ZNF565: variants seen among roughly 807,000 people sequenced by gnomAD.
The protein encoded by ZNF565 is zinc finger protein 565.
Under a neutral mutation model 39.4 loss-of-function variants are expected in ZNF565, and 27 were observed. That is an observed-to-expected ratio of 0.69 (90% CI 0.51 to 0.95). The LOEUF is 0.95. Ranked by LOEUF, ZNF565 falls within the 40% of genes least tolerant of loss-of-function variation. The pLI is 0.00. For synonymous variants in ZNF565, 185 were observed against 216.6 expected, an observed-to-expected ratio of 0.85 and a Z score of 1.28; for missense variants, 524 against 621.1, an observed-to-expected ratio of 0.84 and a Z score of 1.66.
intron 1 of ZNF565, among the ~76,000 whole-genome samples, chr19:36,225,829 C>T (rs1230962911): frequency 2.1e-5 from 3 of 143,900 alleles, no homozygotes; most frequent in Non-Finnish European, 4.5e-5. Context: ...GGCATGATCA[C>T]GGCTCACTGC....
chr19:36,211,707 C>T (rs1262042396), intron 1 of ZNF565, among the ~76,000 whole-genome samples: 2 of 151,792 alleles, frequency 1.3e-5, no homozygotes, highest in Non-Finnish European at 2.9e-5. Flanking sequence ...GCAGGAGAAT[C>T]GCATGAACCA....
chr19:36,196,543 C>T (rs1301584630), intron 2 of ZNF565, among the ~76,000 whole-genome samples: 1 of 152,194 alleles, frequency 6.6e-6, no homozygotes, highest in Non-Finnish European at 1.5e-5. Flanking sequence ...AAACTATCTG[C>T]AGACAGCAGG....
At chr19:36,211,027 T>G (rs1976335305) in intron 1 of ZNF565, among the ~76,000 whole-genome samples, 2 of 151,464 alleles carry the variant, frequency 1.3e-5, no homozygotes, top group East Asian at 3.9e-4. Flanking sequence ...TAGCAATGAA[T>G]ATATAACCTA....
chr19:36,197,280 C>A (rs548408647), intron 2 of ZNF565, among the ~76,000 whole-genome samples: 1,675 of 149,422 alleles, frequency 0.011, 34 homozygotes, highest in African/African-American at 0.038. Context: ...TCAAAAAAAA[C>A]AAACAAACAA....
rs957829241 is a variant in ZNF565, at chr19:36,186,279, G to A, written c.233-2546C>T. 5.3e-5 allele frequency among the ~76,000 whole-genome samples: 8 copies of A among 152,270 alleles called. No homozygotes were observed. In the South Asian group the frequency reaches 1.0e-3, roughly 20 times the overall value. ...TTCTAAAAGTATTGGGATTACAGGC[G>A]TCAGCCACCATGCCCGGCAAAAACT... On this transcript the variant is annotated intron_variant, in intron 4 of 4. Coordinates refer to ENST00000304116, the MANE Select transcript of ZNF565 (RefSeq NM_152477.5).
upstream of ZNF565, among the ~76,000 whole-genome samples, chr19:36,218,886 G>GC (rs1359546996): frequency 6.6e-6 from 1 of 151,592 alleles, no homozygotes; most frequent in Non-Finnish European, 1.5e-5. Context: ...TTGGCTCACT[G>GC]CAAGCTTCAC....
chr19:36,212,951 G>A (rs1475052210), intron 1 of ZNF565: 2 of 152,156 alleles, frequency 1.3e-5, no homozygotes, highest in Non-Finnish European at 2.9e-5. Flanking sequence ...ACCTTTCTTG[G>A]AGAAGGGTTA....
At chr19:36,212,616 C>T (rs1461105739) in intron 1 of ZNF565, among the ~76,000 whole-genome samples, 2 of 149,072 alleles carry the variant, frequency 1.3e-5, no homozygotes, top group Non-Finnish European at 3.0e-5. Flanking sequence ...AGCAGGACTC[C>T]GTCTCAAAAA....
chr19:36,189,012 A>C (rs1288122609), intron 4 of ZNF565, among the ~76,000 whole-genome samples: 1 of 152,186 alleles, frequency 6.6e-6, no homozygotes, highest in African/African-American at 2.4e-5. Context: ...AGAGGTGACC[A>C]GGGACTGGAG....
At chr19:36,237,351 CT>C in intron 1 of ZNF565, 1 of 1,553,938 alleles carries the variant, frequency 6.4e-7, no homozygotes, top group East Asian at 2.3e-5. Flanking sequence ...AGTGGGAAAG[CT>C]TTCATTAGAA....
In ZNF565 at chr19:36,245,774, G is replaced by C. The variant is rs1226493528; in HGVS notation, c.-244C>G. On this transcript the variant is annotated 5_prime_UTR_variant, in exon 1 of 5. Transcript: ENST00000355114. The surrounding 1 kb of genome is among the most constrained non-coding windows in gnomAD (Gnocchi z 4.4). ...GGGGTCCCGGGCTGCTTTTCTTGGA[G>C]GGCTCGGTGCCGGAGGCTACTCTTG... is the stretch of plus-strand genomic sequence containing the variant. 1 of 519,614 alleles carries C rather than the reference G, an allele frequency of 1.9e-6. No homozygotes were observed. Among genetic ancestry groups the C allele is most frequent in the African/African-American group, 2.0e-5 (1 of 51,076 alleles). 32.2% of individuals were successfully genotyped at this position (519,614 alleles called of 1,614,324 possible). A position where few individuals can be genotyped will look rare whatever the true frequency, so the allele number is the denominator to read the frequency against.
At chr19:36,223,687 C>CTGAA (rs371526880) in intron 1 of ZNF565, among the ~76,000 whole-genome samples, 152,166 of 152,170 alleles carry the variant, frequency 1, 76,081 homozygotes, top group Non-Finnish European at 1. Flanking sequence ...TTATGGTTAT[C>CTGAA]AGACTTTTCC....
At chr19:36,193,542 G>A (rs1031189118) in intron 4 of ZNF565, among the ~76,000 whole-genome samples, 4 of 148,000 alleles carry the variant, frequency 2.7e-5, no homozygotes, top group African/African-American at 7.5e-5. Flanking sequence ...CCGGGTTCAC[G>A]CCATACTCCT....
rs778863310 is a variant in ZNF565, at chr19:36,183,103, A to G, written c.863T>C (p.Phe288Ser). ...PYVCKDCGKA[F>S]IRGSQLTVHR... ...CACAGTGAGTTGGGAGCCACGAATG[A>G]AAGCCTTGCCACAGTCTTTACATAC... The change falls in exon 5 of 5, where the codon TTC becomes TCC. Residue 288 changes from phenylalanine to serine, a missense_variant. Coordinates refer to ENST00000304116, the MANE Select transcript of ZNF565 (RefSeq NM_152477.5). 5.0e-6 allele frequency: 8 copies of G among 1,614,192 alleles called. No individual in the cohort carries two copies. The highest frequency in any genetic ancestry group is 6.8e-6 in the Non-Finnish European group (8 of 1,180,040).
intron 1 of ZNF565, among the ~76,000 whole-genome samples, chr19:36,244,590 C>A (rs765653535): frequency 2.6e-5 from 4 of 151,820 alleles, no homozygotes; most frequent in Non-Finnish European, 5.9e-5. Flanking sequence ...CGCTGGCTCA[C>A]GCCTGTAATT....
chr19:36,244,821 A>G (rs1038540415), intron 1 of ZNF565, among the ~76,000 whole-genome samples: 1 of 147,924 alleles, frequency 6.8e-6, no homozygotes. Flanking sequence ...ACTGCCCTCC[A>G]GCCTGGCGAC....
chr19:36,196,826 G>A (rs1438467645), intron 2 of ZNF565, among the ~76,000 whole-genome samples: 1 of 152,092 alleles, frequency 6.6e-6, no homozygotes, highest in Non-Finnish European at 1.5e-5. Flanking sequence ...GGGAGGCTGA[G>A]GTGGGTGAAT....
chr19:36,204,544 G>A (rs1976081379), intron 1 of ZNF565, among the ~76,000 whole-genome samples: 1 of 152,216 alleles, frequency 6.6e-6, no homozygotes, highest in Admixed American at 6.5e-5. Flanking sequence ...TATAAATATT[G>A]TAGTCATAGA....
chr19:36,221,285 T>TC (rs386388944), intron 1 of ZNF565, among the ~76,000 whole-genome samples: 68 of 65,540 alleles, frequency 1.0e-3, no homozygotes, highest in Admixed American at 2.5e-3. Context: ...AAGGGACTGC[T>TC]TTTTTTTTTT....
Sources: allele counts gnomAD v4.1 joint callset (sites outside exome capture counted in the v4.1 genomes callset), GRCh38; gene constraint gnomAD v4.1.1; non-coding constraint Gnocchi (gnomAD v3.1); transcripts MANE v1.5; gene names NCBI Gene and HGNC (gene_info 2026-07-23, HGNC 2026-07-21).